The following PTPRM variants were observed in gnomAD, a reference collection of about 807,000 sequenced individuals.
PTPRM encodes receptor-type tyrosine-protein phosphatase mu.
Under a neutral mutation model 186.7 loss-of-function variants are expected in PTPRM, and 47 were observed. That is an observed-to-expected ratio of 0.25 (90% CI 0.20 to 0.32). The LOEUF (loss-of-function observed/expected upper bound fraction) is 0.32. PTPRM is among the 10% of genes least tolerant of loss of function. The probability of loss-of-function intolerance (pLI) is 1.00; values close to 1 mark genes in which losing one functional copy is unlikely to be tolerated. For synonymous variants in PTPRM, 668 were observed against 674.9 expected, an observed-to-expected ratio of 0.99 and a Z score of 0.16; for missense variants, 1,494 against 1,865.0, an observed-to-expected ratio of 0.80 and a Z score of 3.66.
intron 14 of PTPRM, among the ~76,000 whole-genome samples, chr18:8,157,204 A>C (rs894777746): frequency 3.9e-5 from 6 of 152,236 alleles, no homozygotes; most frequent in African/African-American, 1.4e-4. Context: ...CAAGGGCATA[A>C]TAATAGTTCT....
chr18:8,127,310 G>A lies in PTPRM; in HGVS notation c.2167+12483G>A, dbSNP rs150978128. ...AGGGACAGGGTCAGCCATATCAAAG[G>A]AATGCTTAGAATCCCTTCCAGGGGC... On this transcript the variant is annotated intron_variant, in intron 13 of 32. Transcript: ENST00000580170. Among the ~76,000 whole-genome samples, 849 of 152,046 alleles carry A rather than the reference G, an allele frequency of 5.6e-3. 8 individuals carry two copies. The highest frequency in any genetic ancestry group is 0.019 in the African/African-American group (795 of 41,506).
chr18:8,081,587 G>A (rs2090132088), intron 9 of PTPRM, among the ~76,000 whole-genome samples: 2 of 152,168 alleles, frequency 1.3e-5, no homozygotes, highest in South Asian at 4.1e-4. Flanking sequence ...TTGAGCATGG[G>A]AGTATATTTT....
At chr18:7,732,098 A>C (rs1407584054) in intron 1 of PTPRM, among the ~76,000 whole-genome samples, 2 of 152,206 alleles carry the variant, frequency 1.3e-5, no homozygotes, top group Non-Finnish European at 2.9e-5. Context: ...ACAAAATAAG[A>C]ATGGTGTAAG....
At position 7,960,480 on chromosome 18, in the gene PTPRM, T is replaced by TATATATATATATACAC. The variant is rs1300573371; in HGVS notation, c.1132+5067_1132+5068insTATATATATATACACA. Among the ~76,000 whole-genome samples the TATATATATATATACAC allele has an allele frequency of 8.9e-4, 77 of 86,574 alleles. 1 individual carries two copies. The highest frequency in any genetic ancestry group is 3.2e-3 in the African/African-American group (74 of 22,894). The allele number at this position is 86,574 out of a possible 152,430, so 56.8% of individuals were successfully genotyped here. A position where few individuals can be genotyped will look rare whatever the true frequency, so the allele number is the denominator to read the frequency against. ...ATATATATATATATATATATATATA[T>TATATATATATATACAC]ACACACACACACACACACACACACA... is the stretch of plus-strand genomic sequence containing the variant. On this transcript the variant is annotated intron_variant, in intron 7 of 32. Coordinates refer to ENST00000580170, the MANE Select transcript of PTPRM (RefSeq NM_001105244.2).
At chr18:8,255,702 G>A (rs6506567) in intron 19 of PTPRM, among the ~76,000 whole-genome samples, 152,297 of 152,356 alleles carry the variant, frequency 1, 76,119 homozygotes, top group Non-Finnish European at 1. Context: ...GGAAGGAGAT[G>A]TTGGGAGAAG....
intron 7 of PTPRM, among the ~76,000 whole-genome samples, chr18:8,043,094 C>G (rs1043311064): frequency 1.3e-5 from 2 of 152,168 alleles, no homozygotes; most frequent in Non-Finnish European, 2.9e-5. Context: ...TGACCTCATG[C>G]AAGGGAGATG....
chr18:7,976,941 T>G (rs78012578), intron 7 of PTPRM, among the ~76,000 whole-genome samples: 1 of 151,858 alleles, frequency 6.6e-6, no homozygotes, highest in African/African-American at 2.4e-5. Flanking sequence ...TTTTAAAGCT[T>G]GATTTTAACA....
chr18:8,157,476 G>A (rs2093146697), intron 14 of PTPRM, among the ~76,000 whole-genome samples: 1 of 152,190 alleles, frequency 6.6e-6, no homozygotes, highest in Admixed American at 6.5e-5. Flanking sequence ...TGTACCCAAA[G>A]AAACACACGG....
intron 1 of PTPRM, among the ~76,000 whole-genome samples, chr18:7,756,518 G>T (rs2041499345): frequency 6.6e-6 from 1 of 152,066 alleles, no homozygotes; most frequent in Admixed American, 6.5e-5. Context: ...AGTCTGTAAA[G>T]GATCTCCAGT....
At chr18:7,592,003 A>G (rs1019027944) in intron 1 of PTPRM, among the ~76,000 whole-genome samples, 1 of 131,552 alleles carries the variant, frequency 7.6e-6, no homozygotes, top group African/African-American at 3.2e-5. Context: ...GAAAACTTTG[A>G]AGTTTATTTC....
rs142837016 is a variant in PTPRM, at chr18:8,037,860, G to A, written c.1133-31826G>A. On this transcript the variant is annotated intron_variant, in intron 7 of 32. Transcript: ENST00000580170. ...CATATGGAAGGGTGCAGAGGTGCGA[G>A]CCATAGTGTTGTATGTTAGCTCCTG... Among the ~76,000 whole-genome samples, 6 of 152,236 alleles carry A rather than the reference G, an allele frequency of 3.9e-5. No homozygotes were observed. The East Asian group carries it at 1.2e-3, about 29-fold the overall frequency.
At chr18:8,155,545 T>G (rs1267692695) in intron 14 of PTPRM, among the ~76,000 whole-genome samples, 1 of 152,220 alleles carries the variant, frequency 6.6e-6, no homozygotes. Flanking sequence ...TTTAAACAGA[T>G]GTACATTTTG....
intron 6 of PTPRM, 87 bp downstream of exon 6, chr18:7,949,442 T>C: frequency 8.7e-7 from 1 of 1,154,740 alleles, no homozygotes; most frequent in South Asian, 2.1e-5. Context: ...AAGCTCAAAC[T>C]TACCCTTGTC....
At chr18:8,201,561 A>G (rs909671799) in intron 14 of PTPRM, among the ~76,000 whole-genome samples, 1 of 152,150 alleles carries the variant, frequency 6.6e-6, no homozygotes, top group African/African-American at 2.4e-5. Context: ...GGCTTAAACA[A>G]TGCACATGAA....
At chr18:7,957,593 G>C (rs1420763141) in intron 7 of PTPRM, among the ~76,000 whole-genome samples, 1 of 152,186 alleles carries the variant, frequency 6.6e-6, no homozygotes, top group Non-Finnish European at 1.5e-5. Flanking sequence ...GATATGTTAG[G>C]TGAAAGGGTC....
At chr18:7,755,619 A>G (rs2041447491) in intron 1 of PTPRM, among the ~76,000 whole-genome samples, 1 of 152,234 alleles carries the variant, frequency 6.6e-6, no homozygotes, top group South Asian at 2.1e-4. Flanking sequence ...TCTAGAAATA[A>G]AATGAGATGA....
Position 8,060,898 on chromosome 18 carries a change from G to C in PTPRM, c.1133-8788G>C, listed in dbSNP as rs1002697782. Reference sequence around the variant, plus strand: ...CAACTATGTGGTCAATTTTGGAATAGGTGTGGTGTGGTGCTGAAAAAAACG... The same window carrying C: ...CAACTATGTGGTCAATTTTGGAATACGTGTGGTGTGGTGCTGAAAAAAACG... On this transcript the variant is annotated intron_variant, in intron 7 of 32. Coordinates refer to ENST00000580170, the MANE Select transcript of PTPRM (RefSeq NM_001105244.2). Among the ~76,000 whole-genome samples, 2 of 55,308 alleles carry C rather than the reference G, an allele frequency of 3.6e-5. 1 individual carries two copies. Among genetic ancestry groups the C allele is most frequent in the Non-Finnish European group, 7.3e-5 (2 of 27,312 alleles). The allele number at this position is 55,308 out of a possible 152,430, so 36.3% of individuals were successfully genotyped here.
At chr18:8,388,789 G>A (rs914432487) in intron 31 of PTPRM, among the ~76,000 whole-genome samples, 5 of 152,074 alleles carry the variant, frequency 3.3e-5, no homozygotes, top group South Asian at 2.1e-4. Context: ...TTGAAACCCC[G>A]TCTCTACTAA....
intron 19 of PTPRM, among the ~76,000 whole-genome samples, chr18:8,258,367 C>T (rs1203060497): frequency 6.6e-6 from 1 of 152,138 alleles, no homozygotes; most frequent in Non-Finnish European, 1.5e-5. Flanking sequence ...CCTTTCTCAG[C>T]TAGAGTTGAA....
Sources: allele counts gnomAD v4.1 joint callset (sites outside exome capture counted in the v4.1 genomes callset), GRCh38; gene constraint gnomAD v4.1.1; transcripts MANE v1.5; gene names NCBI Gene and HGNC (gene_info 2026-07-23, HGNC 2026-07-21).